SPATA13: variants seen among roughly 807,000 people sequenced by gnomAD.
SPATA13 encodes the protein spermatogenesis associated 13.
SPATA13 carries 50 observed loss-of-function variants against 104.0 expected under a neutral mutation model. The ratio of observed to expected loss-of-function variants is 0.48; its 90% CI spans 0.38 to 0.61. The LOEUF is 0.61. Ranked by LOEUF, SPATA13 falls within the 20% of genes least tolerant of loss-of-function variation. The probability of loss-of-function intolerance (pLI) is 0.00; values close to 1 mark genes in which losing one functional copy is unlikely to be tolerated. For synonymous variants in SPATA13, 606 were observed against 667.5 expected, an observed-to-expected ratio of 0.91 and a Z score of 1.42; for missense variants, 1,524 against 1,690.6, an observed-to-expected ratio of 0.90 and a Z score of 1.73.
At chr13:24,127,646 C>T (rs1881265148) in intron 3 of SPATA13, among the ~76,000 whole-genome samples, 1 of 152,166 alleles carries the variant, frequency 6.6e-6, no homozygotes, top group Non-Finnish European at 1.5e-5. Context: ...TTCTTGAGAA[C>T]AGGCATTTTT....
At chr13:24,140,362 G>A (rs138019628) in intron 3 of SPATA13, among the ~76,000 whole-genome samples, 1 of 152,322 alleles carries the variant, frequency 6.6e-6, no homozygotes, top group Non-Finnish European at 1.5e-5. Flanking sequence ...CCAGCAGACA[G>A]AGAGGATATT....
intron 1 of SPATA13, among the ~76,000 whole-genome samples, chr13:23,980,887 T>C (rs961993496): frequency 2.0e-5 from 3 of 152,182 alleles, no homozygotes; most frequent in Non-Finnish European, 4.4e-5. Context: ...CCACTGCGCC[T>C]GGCCAACAAA....
chr13:24,036,027 A>AG (rs1877668965), intron 3 of SPATA13, among the ~76,000 whole-genome samples: 1 of 151,814 alleles, frequency 6.6e-6, no homozygotes, highest in Non-Finnish European at 1.5e-5. Flanking sequence ...AAAAAAAAAA[A>AG]AAAAAAGAAA....
intron 1 of SPATA13, among the ~76,000 whole-genome samples, chr13:24,191,900 C>A (rs975772628): frequency 6.6e-6 from 1 of 152,096 alleles, no homozygotes; most frequent in East Asian, 1.9e-4. Flanking sequence ...CAGCTAAAAC[C>A]GGGTTCTTGT....
At chr13:24,256,723 C>G (rs1369204535) in intron 4 of SPATA13, among the ~76,000 whole-genome samples, 2 of 152,208 alleles carry the variant, frequency 1.3e-5, no homozygotes, top group Non-Finnish European at 2.9e-5. Context: ...AGCCACACAG[C>G]CTGCGAAGGC....
chr13:24,024,875 A>T (rs913594763), intron 3 of SPATA13, among the ~76,000 whole-genome samples: 1 of 151,210 alleles, frequency 6.6e-6, no homozygotes, highest in African/African-American at 2.4e-5. Flanking sequence ...CCTGGGTAAC[A>T]TAGCGAGAAC....
intron 2 of SPATA13, among the ~76,000 whole-genome samples, chr13:23,999,547 G>T (rs1875858809): frequency 1.3e-5 from 2 of 152,076 alleles, no homozygotes; most frequent in Non-Finnish European, 2.9e-5. Context: ...TACAGACCTT[G>T]ACCTTGTGGG....
intron 4 of SPATA13, chr13:24,270,941 C>G (rs1874551106): frequency 1.3e-6 from 2 of 1,528,126 alleles, no homozygotes; most frequent in African/African-American, 2.7e-5. Context: ...GATTGTTGTA[C>G]TGTGACATGT....
chr13:24,017,931 A>G (rs977074767), intron 3 of SPATA13, among the ~76,000 whole-genome samples: 1 of 152,206 alleles, frequency 6.6e-6, no homozygotes, highest in African/African-American at 2.4e-5. Context: ...TTGTGAAGTG[A>G]GGCCTCCTCT....
chr13:24,020,030 T>G (rs1205960012), intron 3 of SPATA13, among the ~76,000 whole-genome samples: 1 of 152,212 alleles, frequency 6.6e-6, no homozygotes, highest in Non-Finnish European at 1.5e-5. Context: ...GCACTCATTG[T>G]GTGAGGTGCG....
rs555859032 is a variant in SPATA13, at chr13:24,232,494, T to A, written c.1653+7912T>A. 2.0e-5 allele frequency among the ~76,000 whole-genome samples: 3 copies of A among 152,342 alleles called. No individual in the cohort carries two copies. In the East Asian group the frequency reaches 5.8e-4, roughly 29 times the overall value. On this transcript the variant is annotated intron_variant, in intron 2 of 12. Transcript: ENST00000382108. Reference sequence around the variant, plus strand: ...CAATCAAGTTGACACATCAAATTAATAGGAATTACAAATATTTTCTCACAG... The same window carrying A: ...CAATCAAGTTGACACATCAAATTAAAAGGAATTACAAATATTTTCTCACAG...
chr13:24,233,556 A>C (rs1264472426), intron 2 of SPATA13, among the ~76,000 whole-genome samples: 2 of 152,208 alleles, frequency 1.3e-5, no homozygotes, highest in South Asian at 4.1e-4. Flanking sequence ...AATCATAGAA[A>C]TTCACATCAT....
At chr13:24,204,143 T>C (rs1451361402) in intron 1 of SPATA13, among the ~76,000 whole-genome samples, 1 of 152,184 alleles carries the variant, frequency 6.6e-6, no homozygotes, top group African/African-American at 2.4e-5. Context: ...TCTTATTGCA[T>C]GTACTCACAG....
intron 3 of SPATA13, among the ~76,000 whole-genome samples, chr13:24,021,557 A>C (rs189321006): frequency 4.7e-4 from 72 of 152,344 alleles, no homozygotes; most frequent in Admixed American, 2.2e-3. Flanking sequence ...GCTGCATTGT[A>C]CTCAAACATA....
At chr13:24,013,443 C>T (rs1876569532) in intron 2 of SPATA13, among the ~76,000 whole-genome samples, 1 of 152,188 alleles carries the variant, frequency 6.6e-6, no homozygotes, top group Non-Finnish European at 1.5e-5. Context: ...TGTGCCTTGC[C>T]CCCCATACCT....
chr13:23,992,943 G>A (rs533362595), intron 2 of SPATA13, among the ~76,000 whole-genome samples: 4 of 152,288 alleles, frequency 2.6e-5, no homozygotes, highest in South Asian at 4.2e-4. Flanking sequence ...TGTTTACAAT[G>A]CAGCATGGGA....
chr13:23,990,925 A>C (rs1875381651), intron 2 of SPATA13, among the ~76,000 whole-genome samples: 1 of 152,206 alleles, frequency 6.6e-6, no homozygotes, highest in African/African-American at 2.4e-5. Context: ...TCTTCCCCAC[A>C]AATCCTGAAA....
intron 2 of SPATA13, among the ~76,000 whole-genome samples, chr13:23,997,473 T>G (rs1245144718): frequency 6.6e-6 from 1 of 152,244 alleles, no homozygotes; most frequent in East Asian, 1.9e-4. Flanking sequence ...TCAGCATAAT[T>G]TGAGATTTAT....
Position 24,168,195 on chromosome 13 carries a change from C to T in SPATA13, c.-112+7263C>T, listed in dbSNP as rs575404341. Among the ~76,000 whole-genome samples the T allele has an allele frequency of 2.4e-4, 36 of 152,316 alleles. 1 individual carries two copies. In the South Asian group the frequency reaches 7.5e-3, roughly 32 times the overall value. On this transcript the variant is annotated intron_variant, in intron 1 of 12. Coordinates refer to ENST00000382108, the MANE Select transcript of SPATA13 (RefSeq NM_001166271.3). ...TTATTAAAACTGAGTTTACCCAGGA[C>T]TGTAAGACTTGAGTAAGTGACCCAT...
Sources: gnomAD v4.1 joint callset for allele counts (sites outside exome capture counted in the v4.1 genomes callset) on GRCh38, gnomAD v4.1.1 for gene constraint, MANE v1.5 for transcripts, NCBI Gene and HGNC (gene_info 2026-07-23, HGNC 2026-07-21) for gene names.